The following RBFOX1 variants were observed in gnomAD, a reference collection of about 807,000 sequenced individuals.
The protein encoded by RBFOX1 is RNA binding protein fox-1 homolog 1.
In RBFOX1, 8 loss-of-function variants were observed where a neutral mutation model predicts 57.7. The ratio of observed to expected loss-of-function variants is 0.14; its 90% CI spans 0.08 to 0.25. The LOEUF (loss-of-function observed/expected upper bound fraction) is 0.25, where lower values mean the gene tolerates loss of function less well. Ranked by LOEUF, RBFOX1 falls within the 10% of genes least tolerant of loss-of-function variation. The pLI, the probability that RBFOX1 is intolerant of heterozygous loss-of-function variation, is 1.00. For synonymous variants in RBFOX1, 326 were observed against 222.4 expected (o/e 1.47, Z -4.15); for missense variants, 611 against 548.5 (o/e 1.11, Z -1.14).
chr16:5,871,758 C>T (rs1269871323), intron 4 of RBFOX1, among the ~76,000 whole-genome samples: 1 of 152,258 alleles, frequency 6.6e-6, no homozygotes, highest in African/African-American at 2.4e-5. Context: ...TTTCACTTAC[C>T]AGTTGGTTTC....
intron 1 of RBFOX1, among the ~76,000 whole-genome samples, chr16:6,143,871 C>T (rs2096737481): frequency 6.6e-6 from 1 of 151,890 alleles, no homozygotes; most frequent in Admixed American, 6.6e-5. Flanking sequence ...TCACTGCTCA[C>T]TGCAGCCTCA....
intron 5 of RBFOX1, among the ~76,000 whole-genome samples, chr16:7,556,811 C>T (rs750178403): frequency 3.3e-5 from 5 of 152,162 alleles, no homozygotes; most frequent in Non-Finnish European, 5.9e-5. Context: ...GTATGCACTG[C>T]TGTTATTGTT....
intron 3 of RBFOX1, among the ~76,000 whole-genome samples, chr16:5,864,460 T>C (rs2057298451): frequency 6.6e-6 from 1 of 152,142 alleles, no homozygotes; most frequent in Non-Finnish European, 1.5e-5. Context: ...CTTTTGTCGG[T>C]TTGATGTATC....
chr16:5,549,568 T>G (rs1381805341), intron 2 of RBFOX1, among the ~76,000 whole-genome samples: 1 of 152,168 alleles, frequency 6.6e-6, no homozygotes, highest in African/African-American at 2.4e-5. Context: ...GACATGTATT[T>G]TCCTAAACTT....
intron 3 of RBFOX1, among the ~76,000 whole-genome samples, chr16:5,685,078 C>A (rs1045367665): frequency 6.6e-6 from 1 of 152,048 alleles, no homozygotes; most frequent in African/African-American, 2.4e-5. Context: ...ATGAATTGGT[C>A]TCATAAGCAG....
At chr16:7,590,664 A>T (rs1567983878) in intron 7 of RBFOX1, among the ~76,000 whole-genome samples, 1 of 152,056 alleles carries the variant, frequency 6.6e-6, no homozygotes. Context: ...GTTCGAGACC[A>T]GCCTGACCAA....
intron 4 of RBFOX1, among the ~76,000 whole-genome samples, chr16:7,471,127 G>C (rs1428240431): frequency 6.6e-6 from 1 of 152,040 alleles, no homozygotes; most frequent in African/African-American, 2.4e-5. Flanking sequence ...ACTACGTCTT[G>C]TTTATTTGCC....
chr16:7,173,944 A>G (rs1204491985), intron 4 of RBFOX1, among the ~76,000 whole-genome samples: 1 of 152,232 alleles, frequency 6.6e-6, no homozygotes, highest in Non-Finnish European at 1.5e-5. Context: ...GGTGACGCAG[A>G]GAAACGAAAT....
At chr16:5,511,847 G>C (rs1597357564) in intron 2 of RBFOX1, among the ~76,000 whole-genome samples, 2 of 152,220 alleles carry the variant, frequency 1.3e-5, no homozygotes, top group East Asian at 3.8e-4. Flanking sequence ...AAGGGTGACT[G>C]AGTTGTCACT....
intron 4 of RBFOX1, among the ~76,000 whole-genome samples, chr16:7,400,569 A>G (rs1255621846): frequency 4.6e-5 from 7 of 152,186 alleles, no homozygotes; most frequent in Non-Finnish European, 1.5e-5. Context: ...CACAGTTTGT[A>G]TTACCATCTC....
At chr16:5,918,914 A>T (rs1160357098) in intron 4 of RBFOX1, among the ~76,000 whole-genome samples, 11 of 152,196 alleles carry the variant, frequency 7.2e-5, no homozygotes, top group Non-Finnish European at 1.6e-4. Context: ...GCTCCAAGGA[A>T]TGCTGGCTCT....
At chr16:7,646,404 A>G (rs2063746823) in intron 11 of RBFOX1, among the ~76,000 whole-genome samples, 1 of 152,234 alleles carries the variant, frequency 6.6e-6, no homozygotes, top group African/African-American at 2.4e-5. Flanking sequence ...CTGCACCCCC[A>G]GAATTGTGTA....
At chr16:6,864,545 C>G (rs114275810) in intron 3 of RBFOX1, among the ~76,000 whole-genome samples, 3,176 of 146,392 alleles carry the variant, frequency 0.022, 115 homozygotes, top group African/African-American at 0.073. Context: ...TCTCTCCTTC[C>G]TCTTTTTTTT....
At chr16:6,590,442 C>G (rs186852889) in intron 2 of RBFOX1, among the ~76,000 whole-genome samples, 1 of 152,102 alleles carries the variant, frequency 6.6e-6, no homozygotes, top group Non-Finnish European at 1.5e-5. Context: ...GTATAGAATT[C>G]CATGCTTTTA....
intron 3 of RBFOX1, among the ~76,000 whole-genome samples, chr16:5,793,787 A>G (rs2054784785): frequency 6.6e-6 from 1 of 150,552 alleles, no homozygotes; most frequent in Admixed American, 6.6e-5. Flanking sequence ...GTGCATGTGC[A>G]TGTGTGTGTG....
chr16:5,634,620 G>A (rs1366984979), intron 3 of RBFOX1, among the ~76,000 whole-genome samples: 1 of 152,196 alleles, frequency 6.6e-6, no homozygotes, highest in East Asian at 1.9e-4. Flanking sequence ...CATTTAAGCT[G>A]AAGGAAAGTT....
Position 7,713,315 on chromosome 16 carries a change from A to AT in RBFOX1, c.*2570_*2571insT, listed in dbSNP as rs1359536144. ...AGAAAACTGGTTTGTAATATCAAAA[A>AT]AATAAAAGCTTAGTCTGAAAAGGTA... On this transcript the variant is annotated 3_prime_UTR_variant, in exon 16 of 16. Transcript: ENST00000550418. The AT allele has an allele frequency of 6.6e-6, 1 of 152,222 alleles. No homozygotes were observed. The highest frequency in any genetic ancestry group is 1.5e-5 in the Non-Finnish European group (1 of 68,042). The allele number at this position is 152,222 out of a possible 1,614,324, so 9.4% of individuals were successfully genotyped here.
At chr16:5,601,662 A>C (rs1433963963), downstream of RBFOX1, 2 of 152,204 alleles carry the variant, frequency 1.3e-5, no homozygotes, top group African/African-American at 2.4e-5. Context: ...TGTCACACTG[A>C]GTCTATGGAA....
chr16:7,247,284 C>T (rs569326069), intron 4 of RBFOX1, among the ~76,000 whole-genome samples: 55 of 152,262 alleles, frequency 3.6e-4, no homozygotes, highest in African/African-American at 1.3e-3. Flanking sequence ...CACTCGCTGC[C>T]GGTTAACATT....
Sources: allele counts gnomAD v4.1 joint callset (sites outside exome capture counted in the v4.1 genomes callset), GRCh38; gene constraint gnomAD v4.1.1; transcripts MANE v1.5; gene names NCBI Gene and HGNC (gene_info 2026-07-23, HGNC 2026-07-21).